Variants in ZNF90 observed in about 807,000 individuals in gnomAD.
The protein encoded by ZNF90 is zinc finger protein HTF9.
Under a neutral mutation model 12.0 loss-of-function variants are expected in ZNF90, and 11 were observed. The ratio of observed to expected loss-of-function variants is 0.92; its 90% CI spans 0.58 to 1.52. The LOEUF (loss-of-function observed/expected upper bound fraction) is 1.52, where lower values mean the gene tolerates loss of function less well. Ranked by LOEUF, ZNF90 falls within the 40% of genes most tolerant of loss-of-function variation. The pLI is 0.00. For missense variants in ZNF90, 765 were observed against 711.5 expected, an observed-to-expected ratio of 1.08 and a Z score of -0.86; for synonymous variants, 232 against 240.1, an observed-to-expected ratio of 0.97 and a Z score of 0.31.
intron 3 of ZNF90, among the ~76,000 whole-genome samples, chr19:20,112,090 C>T (rs1198953149): frequency 6.6e-6 from 1 of 151,990 alleles, no homozygotes; most frequent in Non-Finnish European, 1.5e-5. Context: ...AGCTTCTGAC[C>T]TTGTGATTCA....
chr19:20,117,902 T>C lies in ZNF90; in HGVS notation c.348T>C (p.Gly116=), dbSNP rs1490189252. ...ATGGCAATTTAGAGTTAAAAAAAGG[T>C]TGTGAAAGTGTGGATGAGGGTAAAG... ...REYGNLELKK[G]CESVDEGKVH... is the part of the protein sequence containing the mutation. The change falls in exon 4 of 4, where the codon GGT becomes GGC. Residue 116 remains glycine, a synonymous_variant. Transcript: ENST00000418063. The C allele has an allele frequency of 1.2e-6, 2 of 1,612,034 alleles. No homozygotes were observed. The highest frequency in any genetic ancestry group is 1.7e-6 in the Non-Finnish European group (2 of 1,179,264).
intron 3 of ZNF90, among the ~76,000 whole-genome samples, chr19:20,112,176 ATT>A (rs1482528302): frequency 2.0e-5 from 3 of 150,146 alleles, no homozygotes; most frequent in African/African-American, 7.4e-5. Flanking sequence ...AGATTCACAT[ATT>A]GTTTTTTATA....
At chr19:20,108,353 A>G (rs1382981808) in intron 3 of ZNF90, among the ~76,000 whole-genome samples, 1 of 152,252 alleles carries the variant, frequency 6.6e-6, no homozygotes, top group African/African-American at 2.4e-5. Context: ...TCTCTCACCC[A>G]GGTTGGAGTG....
chr19:20,097,858 C>G (rs894361733), intron 1 of ZNF90, among the ~76,000 whole-genome samples: 1 of 152,182 alleles, frequency 6.6e-6, no homozygotes, highest in East Asian at 1.9e-4. Flanking sequence ...ACACTATATC[C>G]CATACCCTAA....
In ZNF90 at chr19:20,119,165, C is replaced by T. The variant is rs782208339; in HGVS notation, c.1611C>T (p.Tyr537=). 1.2e-6 allele frequency: 2 copies of T among 1,612,936 alleles called. No homozygotes were observed. Among genetic ancestry groups the T allele is most frequent in the East Asian group, 2.2e-5 (1 of 44,798 alleles). Residue 537 remains tyrosine, a synonymous_variant, in exon 4 of 4, where the codon TAC becomes TAT. Coordinates refer to ENST00000418063, the MANE Select transcript of ZNF90 (RefSeq NM_007138.2). ...HKIIHTGAKP[Y]KCEECGKAFK... is the part of the protein sequence containing the mutation. ...TAATTCATACTGGAGCGAAACCCTA[C>T]AAATGTGAAGAATGTGGCAAAGCCT...
In ZNF90 at chr19:20,084,036, A is replaced by G. The variant is rs546310603; in HGVS notation, c.3+5901A>G. ...CTCCCAAAATGCTGGGAGGACGGGC[A>G]TGAGCCACCACATTTGACCATACCA... On this transcript the variant is annotated intron_variant, in intron 1 of 3. Transcript: ENST00000418063. Among the ~76,000 whole-genome samples, 18 of 151,796 alleles carry G rather than the reference A, an allele frequency of 1.2e-4. No homozygotes were observed. In the South Asian group the frequency reaches 2.9e-3, roughly 25 times the overall value.
intron 1 of ZNF90, among the ~76,000 whole-genome samples, chr19:20,095,307 C>T (rs1190529926): frequency 2.0e-5 from 3 of 152,006 alleles, no homozygotes; most frequent in Non-Finnish European, 2.9e-5. Flanking sequence ...TCGAAAGTGC[C>T]GTTTTCTGGC....
At chr19:20,117,425 TTCCTTCCC>T (rs1440528093) in intron 3 of ZNF90, 4 of 151,826 alleles carry the variant, frequency 2.6e-5, no homozygotes, top group Non-Finnish European at 4.3e-5. Flanking sequence ...CCTTCCTTTC[TTCCTTCCC>T]TCCTTCCCTC....
intron 3 of ZNF90, among the ~76,000 whole-genome samples, chr19:20,110,734 G>T (rs2089081793): frequency 6.6e-6 from 1 of 152,158 alleles, no homozygotes; most frequent in Non-Finnish European, 1.5e-5. Context: ...TCTAATGGGT[G>T]TGAGGTGATT....
At chr19:20,078,434 A>G (rs1400916644) in intron 1 of ZNF90, among the ~76,000 whole-genome samples, 1 of 151,782 alleles carries the variant, frequency 6.6e-6, no homozygotes, top group African/African-American at 2.4e-5. Context: ...TTCTCGGGGG[A>G]GAATCCTGAC....
intron 1 of ZNF90, among the ~76,000 whole-genome samples, chr19:20,079,560 G>A (rs1362154046): frequency 1.3e-5 from 2 of 152,178 alleles, no homozygotes; most frequent in African/African-American, 4.8e-5. Context: ...TCTTCCCTAG[G>A]GAGGAGCAAA....
intron 3 of ZNF90, among the ~76,000 whole-genome samples, chr19:20,115,753 A>G (rs2089131741): frequency 6.6e-6 from 1 of 151,778 alleles, no homozygotes; most frequent in Non-Finnish European, 1.5e-5. Flanking sequence ...TACTTTTTGT[A>G]ATTTTTATAT....
intron 1 of ZNF90, among the ~76,000 whole-genome samples, chr19:20,093,775 C>G (rs1438482651): frequency 6.6e-6 from 1 of 152,174 alleles, no homozygotes; most frequent in Non-Finnish European, 1.5e-5. Flanking sequence ...GGGTAGCCCC[C>G]GTATCGATTA....
rs782544300 is a variant in ZNF90 at position 20,118,853 on chromosome 19, C to T, written c.1299C>T (p.Val433=). Reference sequence around the variant, plus strand: ...ACAAATGTCAAGAATGTGACAAAGTCTTCAAACGCTCCTCAGCCCTTAGCA... The same window carrying T: ...ACAAATGTCAAGAATGTGACAAAGTTTTCAAACGCTCCTCAGCCCTTAGCA... The part of the protein sequence containing the change: ...KPYKCQECDK[V]FKRSSALSTH... The change falls in exon 4 of 4, where the codon GTC becomes GTT. Residue 433 remains valine, a synonymous_variant. Coordinates refer to ENST00000418063, the MANE Select transcript of ZNF90 (RefSeq NM_007138.2). 8.7e-6 allele frequency: 14 copies of T among 1,604,012 alleles called. No homozygotes were observed. Among genetic ancestry groups the T allele is most frequent in the Admixed American group, 5.2e-5 (3 of 58,244 alleles).
chr19:20,096,881 C>CT (rs782775465), intron 1 of ZNF90, among the ~76,000 whole-genome samples: 11 of 152,138 alleles, frequency 7.2e-5, no homozygotes, highest in Non-Finnish European at 1.0e-4. Context: ...CCTATTTAAC[C>CT]TTTTTTGTAG....
chr19:20,095,725 G>A (rs1026903773), intron 1 of ZNF90, among the ~76,000 whole-genome samples: 4 of 152,106 alleles, frequency 2.6e-5, no homozygotes, highest in Admixed American at 6.5e-5. Flanking sequence ...AGGGATTGGG[G>A]GTTCTTGCCC....
intron 3 of ZNF90, among the ~76,000 whole-genome samples, chr19:20,106,791 T>C (rs1444662615): frequency 1.3e-5 from 2 of 152,200 alleles, no homozygotes; most frequent in Non-Finnish European, 2.9e-5. Flanking sequence ...TAAAGATCTT[T>C]TGTTGGGCCC....
chr19:20,117,397 CTCCTTCCTTCCT>C (rs1197197056), intron 3 of ZNF90, among the ~76,000 whole-genome samples: 1 of 91,346 alleles, frequency 1.1e-5, no homozygotes, highest in Non-Finnish European at 1.9e-5. Flanking sequence ...CTTTTCTTTT[CTCCTTCCTTCCT>C]TCCTTCCTTC....
At chr19:20,096,255 CTT>C (rs755186894) in intron 1 of ZNF90, among the ~76,000 whole-genome samples, 2 of 152,164 alleles carry the variant, frequency 1.3e-5, no homozygotes, top group Non-Finnish European at 2.9e-5. Context: ...ATAGGTGAAT[CTT>C]TCTCATGGAG....
Sources: gnomAD v4.1 joint callset for allele counts (sites outside exome capture counted in the v4.1 genomes callset) on GRCh38, gnomAD v4.1.1 for gene constraint, MANE v1.5 for transcripts, NCBI Gene and HGNC (gene_info 2026-07-23, HGNC 2026-07-21) for gene names.